AHRR: variants seen among roughly 807,000 people sequenced by gnomAD.
AHRR encodes ahR repressor.
AHRR carries 28 observed loss-of-function variants against 44.0 expected under a neutral mutation model. The ratio of observed to expected loss-of-function variants is 0.64; its 90% CI spans 0.47 to 0.87. The LOEUF (loss-of-function observed/expected upper bound fraction) is 0.87, where lower values mean the gene tolerates loss of function less well. Ranked by LOEUF, AHRR falls within the 40% of genes least tolerant of loss-of-function variation. AHRR has a pLI of 0.00. For synonymous variants in AHRR, 434 were observed against 407.0 expected, an observed-to-expected ratio of 1.07 and a Z score of -0.80; for missense variants, 990 against 953.9, an observed-to-expected ratio of 1.04 and a Z score of -0.50.
intron 1 of AHRR, among the ~76,000 whole-genome samples, chr5:324,557 G>A (rs959663699): frequency 6.6e-6 from 1 of 151,556 alleles, no homozygotes; most frequent in Admixed American, 6.6e-5. Flanking sequence ...AGGCTGAGGC[G>A]GGTGGATCAC....
chr5:347,090 C>A (rs1560886121), intron 2 of AHRR, among the ~76,000 whole-genome samples: 1 of 152,208 alleles, frequency 6.6e-6, no homozygotes, highest in Non-Finnish European at 1.5e-5. Flanking sequence ...CTCCTCCCCA[C>A]GCCCCAGCAC....
intron 1 of AHRR, among the ~76,000 whole-genome samples, chr5:323,704 G>A (rs1192905584): frequency 1.3e-5 from 2 of 152,178 alleles, no homozygotes; most frequent in South Asian, 2.1e-4. Context: ...AGGCAGCTGT[G>A]GTTCCAGCCG....
intron 5 of AHRR, chr5:422,391 CAA>C (rs1357346660): frequency 3.3e-5 from 12 of 365,650 alleles, no homozygotes; most frequent in Non-Finnish European, 1.0e-5. Flanking sequence ...AACCGAGTCA[CAA>C]AGAGTCCAAG....
chr5:423,747 C>T (rs1296618535), intron 6 of AHRR, 94 bp from the exon 7 acceptor site: 9 of 1,463,550 alleles, frequency 6.1e-6, no homozygotes, highest in South Asian at 4.0e-5. Flanking sequence ...GTTTACATGA[C>T]CTGGCGCGTG....
Position 338,737 on chromosome 5 carries a change from G to T in AHRR, c.-10-5156G>T, listed in dbSNP as rs962460587. Among the ~76,000 whole-genome samples, 9 of 152,150 alleles carry T rather than the reference G, an allele frequency of 5.9e-5. No homozygotes were observed. The highest frequency in any genetic ancestry group is 3.9e-4 in the Admixed American group (6 of 15,256). The stretch of plus-strand genomic sequence containing the variant: ...TACTGGTTATGAGCAATTTGATTAT[G>T]ATATGCCTTGGTGTAATTTTCCTGT... On this transcript the variant is annotated intron_variant, in intron 1 of 10. Transcript: ENST00000684583. The surrounding 1 kb of genome is among the most constrained non-coding windows in gnomAD (Gnocchi z 4.1).
At chr5:417,768 G>A (rs562854289) in intron 5 of AHRR, among the ~76,000 whole-genome samples, 1 of 152,276 alleles carries the variant, frequency 6.6e-6, no homozygotes, top group East Asian at 1.9e-4. Flanking sequence ...TGAGGAAATT[G>A]GTTCCAAATG....
chr5:390,759 A>G (rs915053071), intron 4 of AHRR, among the ~76,000 whole-genome samples: 1 of 152,128 alleles, frequency 6.6e-6, no homozygotes, highest in South Asian at 2.1e-4. Context: ...GTGGACAAGG[A>G]GAAGATCCTA....
At chr5:393,156 C>T (rs193229670) in intron 4 of AHRR, among the ~76,000 whole-genome samples, 7 of 152,282 alleles carry the variant, frequency 4.6e-5, no homozygotes, top group African/African-American at 1.7e-4. Context: ...GAAATGAGAG[C>T]TTTCAGGTTG....
intron 1 of AHRR, among the ~76,000 whole-genome samples, chr5:322,369 C>G (rs1281216734): frequency 6.6e-6 from 1 of 152,156 alleles, no homozygotes; most frequent in African/African-American, 2.4e-5. Context: ...GGGCGCGTGA[C>G]AGGCAGGGGC....
intron 3 of AHRR, among the ~76,000 whole-genome samples, chr5:362,396 T>C (rs1330118126): frequency 2.0e-5 from 3 of 152,242 alleles, no homozygotes; most frequent in Admixed American, 6.5e-5. Context: ...GGTCTGGGAC[T>C]CGATTTTTCT....
At chr5:379,322 C>A (rs1304317695) in intron 4 of AHRR, among the ~76,000 whole-genome samples, 3 of 152,176 alleles carry the variant, frequency 2.0e-5, no homozygotes, top group African/African-American at 7.2e-5. Flanking sequence ...ATGTGTCATT[C>A]AACTGTTGAG....
At chr5:422,989 C>T in intron 6 of AHRR, 131 bp downstream of exon 6, 4 of 1,278,644 alleles carry the variant, frequency 3.1e-6, no homozygotes, top group Non-Finnish European at 4.2e-6. Flanking sequence ...AGCGCCAAAT[C>T]TCACCTTTCT....
Position 395,811 on chromosome 5 carries a change from T to C in AHRR, c.352-17533T>C, listed in dbSNP as rs983902419. 1.3e-5 allele frequency among the ~76,000 whole-genome samples: 2 copies of C among 152,166 alleles called. No individual in the cohort carries two copies. The highest frequency in any genetic ancestry group is 2.9e-5 in the Non-Finnish European group (2 of 68,026). On this transcript the variant is annotated intron_variant, in intron 4 of 10. Coordinates refer to ENST00000684583, the MANE Select transcript of AHRR (RefSeq NM_001377236.1). The surrounding 1 kb of genome is among the most constrained non-coding windows in gnomAD (Gnocchi z 5.3). ...CCAGCTGGGGCTGCGCACACGTTCCTGTGAGGGACCCTTTGGGAGAGGATT... is the reference window on the plus strand; with the variant it reads ...CCAGCTGGGGCTGCGCACACGTTCCCGTGAGGGACCCTTTGGGAGAGGATT...
At chr5:369,409 C>A (rs1473985586) in intron 3 of AHRR, among the ~76,000 whole-genome samples, 1 of 152,242 alleles carries the variant, frequency 6.6e-6, no homozygotes, top group African/African-American at 2.4e-5. Flanking sequence ...AGCTTTGTCC[C>A]ACAGGGTGGA....
intron 2 of AHRR, among the ~76,000 whole-genome samples, chr5:349,579 CAAAAAAAA>C (rs35232794): frequency 7.7e-6 from 1 of 129,518 alleles, no homozygotes; most frequent in Non-Finnish European, 1.7e-5. Flanking sequence ...GACTCCGTCT[CAAAAAAAA>C]AAAAAAGAAG....
intron 5 of AHRR, among the ~76,000 whole-genome samples, chr5:414,152 A>C (rs1018885006): frequency 6.6e-6 from 1 of 152,166 alleles, no homozygotes; most frequent in African/African-American, 2.4e-5. Flanking sequence ...AGTCCCAGCT[A>C]CTAGGGAGGC....
At chr5:384,207 A>G (rs1734086903) in intron 4 of AHRR, among the ~76,000 whole-genome samples, 1 of 151,898 alleles carries the variant, frequency 6.6e-6, no homozygotes, top group African/African-American at 2.4e-5. Flanking sequence ...GGGAATATGT[A>G]TTGGTATTAC....
At chr5:345,262 A>G (rs976680569) in intron 2 of AHRR, among the ~76,000 whole-genome samples, 328 of 7,154 alleles carry the variant, frequency 0.046, no homozygotes, top group African/African-American at 0.064. Flanking sequence ...GTGTGGGGAG[A>G]GGGGTGGGTG....
At chr5:328,096 C>T (rs983348680) in intron 1 of AHRR, among the ~76,000 whole-genome samples, 45 of 152,046 alleles carry the variant, frequency 3.0e-4, no homozygotes, top group African/African-American at 1.0e-3. Flanking sequence ...CATCCATGTC[C>T]CTACAAAGGA....
Sources: allele counts gnomAD v4.1 joint callset (sites outside exome capture counted in the v4.1 genomes callset), GRCh38; gene constraint gnomAD v4.1.1; non-coding constraint Gnocchi (gnomAD v3.1); transcripts MANE v1.5; gene names NCBI Gene and HGNC (gene_info 2026-07-23, HGNC 2026-07-21).